Variants in FAAH2 observed in about 807,000 individuals in gnomAD.
The protein encoded by FAAH2 is fatty-acid amide hydrolase 2.
A neutral mutation model predicts 36.9 loss-of-function variants in FAAH2; 60 were observed. The observed-to-expected ratio is 1.63, with a 90% CI of 1.32 to 2.02. The LOEUF is 2.02. Ranked by LOEUF, FAAH2 falls within the 30% of genes most tolerant of loss-of-function variation. The pLI is 0.00. For synonymous variants in FAAH2, 214 were observed against 143.8 expected (o/e 1.49, Z -3.49); for missense variants, 689 against 397.5 (o/e 1.73, Z -6.23).
At chrX:57,149,813 G>C in the FAAH2 span, among the ~76,000 whole-genome samples, 3 of 111,224 alleles carry the variant, frequency 2.7e-5, no homozygotes, top group Non-Finnish European at 5.7e-5. Context: ...TTTTGAATGT[G>C]TTTGCTCTTG....
At position 57,331,610 on chromosome X, in the gene FAAH2, C is replaced by T. The variant is rs138519476; in HGVS notation, c.425C>T (p.Ser142Phe). The T allele has an allele frequency of 8.3e-7, 1 of 1,209,753 alleles. No individual in the cohort carries two copies. Among genetic ancestry groups the T allele is most frequent in the Non-Finnish European group, 1.1e-6 (1 of 893,955 alleles). The part of the protein sequence containing the change: ...EAFQLQGMPN[S>F]SGLMNRRDAI... ...GTGACTCTTTTAGGAATGCCCAATT[C>T]TTCTGGACTCATGAACCGTCGTGAT... The change falls in exon 4 of 11, where the codon TCT (serine) becomes TTT (phenylalanine). Residue 142 changes from serine to phenylalanine, a missense_variant. Ser to Phe is a radical substitution (Grantham distance 155). Transcript: ENST00000374900.
intron 8 of FAAH2, among the ~76,000 whole-genome samples, chrX:57,438,849 G>T (rs2056477630): frequency 9.5e-6 from 1 of 105,147 alleles, no homozygotes; most frequent in Non-Finnish European, 1.9e-5. Flanking sequence ...AGAACATGCG[G>T]TGTTTGGTTT....
At chrX:57,163,738 C>A in the FAAH2 span, among the ~76,000 whole-genome samples, 15 of 112,152 alleles carry the variant, frequency 1.3e-4, no homozygotes, top group Admixed American at 1.1e-3. Flanking sequence ...GATGCGTGCA[C>A]CCACTGACCT....
intron 10 of FAAH2, among the ~76,000 whole-genome samples, chrX:57,454,675 A>T (rs985285778): frequency 8.9e-6 from 1 of 112,289 alleles, no homozygotes; most frequent in Non-Finnish European, 1.9e-5. Flanking sequence ...AAGCATCAGC[A>T]GCAGAAAAAT....
At chrX:57,216,598 G>GTA in the FAAH2 span, among the ~76,000 whole-genome samples, 363 of 4,451 alleles carry the variant, frequency 0.082, 70 homozygotes, top group East Asian at 0.19. Context: ...GTATATATAT[G>GTA]TATATATATA....
chrX:57,204,071 GA>G, the FAAH2 span, among the ~76,000 whole-genome samples: 1 of 110,955 alleles, frequency 9.0e-6, no homozygotes, highest in Non-Finnish European at 1.9e-5. Flanking sequence ...CACAGACTGA[GA>G]GGTGCAATTC....
intron 7 of FAAH2, chrX:57,394,195 G>A (rs1435613073): frequency 3.1e-6 from 2 of 654,171 alleles, no homozygotes; most frequent in Non-Finnish European, 5.2e-6. Flanking sequence ...TTATTCCAAA[G>A]GTGGGGCCCT....
At chrX:57,261,572 A>G in the FAAH2 span, among the ~76,000 whole-genome samples, 8 of 107,961 alleles carry the variant, frequency 7.4e-5, no homozygotes, top group East Asian at 1.4e-3. Context: ...AAAAAAAAAA[A>G]AAAGAAAAAA....
intron 8 of FAAH2, among the ~76,000 whole-genome samples, chrX:57,433,942 C>T (rs1363559710): frequency 3.6e-5 from 4 of 111,258 alleles, no homozygotes; most frequent in South Asian, 3.8e-4. Context: ...TGCAGAAAGC[C>T]TGAAAAAGAA....
At chrX:57,473,247 A>AT (rs912033593) in intron 10 of FAAH2, among the ~76,000 whole-genome samples, 11 of 110,693 alleles carry the variant, frequency 9.9e-5, no homozygotes, top group South Asian at 7.5e-4. Flanking sequence ...ATACACTTCA[A>AT]TTTTTTTTAA....
At chrX:57,260,556 T>C in the FAAH2 span, among the ~76,000 whole-genome samples, 27 of 111,708 alleles carry the variant, frequency 2.4e-4, no homozygotes, top group African/African-American at 8.8e-4. Flanking sequence ...GATCAATATA[T>C]TGGAGTTCAT....
At chrX:57,340,172 T>A (rs1470073983) in intron 4 of FAAH2, among the ~76,000 whole-genome samples, 1 of 111,234 alleles carries the variant, frequency 9.0e-6, no homozygotes, top group African/African-American at 3.3e-5. Flanking sequence ...GAACTTGGGG[T>A]CCGATGTTTG....
At chrX:57,375,937 A>T (rs1431680242) in intron 5 of FAAH2, among the ~76,000 whole-genome samples, 1 of 111,230 alleles carries the variant, frequency 9.0e-6, no homozygotes, top group Non-Finnish European at 1.9e-5. Context: ...GAAAGTTACT[A>T]TTTTTCTATA....
chrX:57,133,662 A>C, the FAAH2 span, among the ~76,000 whole-genome samples: 108 of 111,912 alleles, frequency 9.7e-4, no homozygotes, highest in Non-Finnish European at 1.6e-3. Flanking sequence ...CAGAGACATA[A>C]ATTTTCATCG....
chrX:57,196,958 C>T, the FAAH2 span, among the ~76,000 whole-genome samples: 1 of 112,096 alleles, frequency 8.9e-6, no homozygotes, highest in Non-Finnish European at 1.9e-5. Context: ...TTTATTTCTT[C>T]AAGTAAGTTT....
the FAAH2 span, among the ~76,000 whole-genome samples, chrX:57,161,542 G>A: frequency 9.0e-6 from 1 of 111,497 alleles, no homozygotes; most frequent in Non-Finnish European, 1.9e-5. Flanking sequence ...ATCTGGGTGT[G>A]CCTGTATTGG....
At chrX:57,480,135 A>T (rs1358896164) in intron 10 of FAAH2, among the ~76,000 whole-genome samples, 2 of 111,253 alleles carry the variant, frequency 1.8e-5, no homozygotes, top group Non-Finnish European at 3.8e-5. Flanking sequence ...TTACCAACCA[A>T]AAAGAGTCCT....
chrX:57,184,381 C>A, the FAAH2 span, among the ~76,000 whole-genome samples: 1 of 112,024 alleles, frequency 8.9e-6, no homozygotes, highest in African/African-American at 3.2e-5. Flanking sequence ...CTCAGGCGAG[C>A]ATCACAGTCC....
At chrX:57,188,841 G>C in the FAAH2 span, among the ~76,000 whole-genome samples, 1 of 110,648 alleles carries the variant, frequency 9.0e-6, no homozygotes, top group Non-Finnish European at 1.9e-5. Flanking sequence ...TTCTACCTTC[G>C]AGAATCTGAT....
Sources: gnomAD v4.1 joint callset for allele counts (sites outside exome capture counted in the v4.1 genomes callset) on GRCh38, gnomAD v4.1.1 for gene constraint, MANE v1.5 for transcripts, NCBI Gene and HGNC (gene_info 2026-07-23, HGNC 2026-07-21) for gene names.